The following KIF13B variants were observed in gnomAD, a reference collection of about 807,000 sequenced individuals.
KIF13B encodes kinesin family member 13B, also known as kinesin-like protein KIF13B.
KIF13B carries 127 observed loss-of-function variants against 222.0 expected under a neutral mutation model. The observed-to-expected ratio is 0.57, with a 90% CI of 0.50 to 0.66. The LOEUF is 0.66. Among genes scored for constraint, KIF13B ranks in the 30% least tolerant of loss-of-function variants. The probability of loss-of-function intolerance (pLI) is 0.00; values close to 1 mark genes in which losing one functional copy is unlikely to be tolerated. For missense variants in KIF13B, 2,173 were observed against 2,379.0 expected (o/e 0.91, Z 1.80); for synonymous variants, 976 against 919.0 (o/e 1.06, Z -1.12).
intron 35 of KIF13B, among the ~76,000 whole-genome samples, chr8:29,101,668 C>T (rs758350465): frequency 6.6e-5 from 10 of 152,186 alleles, no homozygotes; most frequent in Non-Finnish European, 1.2e-4. Flanking sequence ...AACAGAGACA[C>T]GGCTCACTCT....
At chr8:29,211,374 T>A (rs1324499379) in intron 2 of KIF13B, among the ~76,000 whole-genome samples, 2 of 152,012 alleles carry the variant, frequency 1.3e-5, no homozygotes, top group East Asian at 3.8e-4. Flanking sequence ...AAAATGAGGA[T>A]CCCTGAGAGG....
At chr8:29,237,530 A>G (rs1815567730) in intron 2 of KIF13B, among the ~76,000 whole-genome samples, 1 of 145,136 alleles carries the variant, frequency 6.9e-6, no homozygotes, top group Non-Finnish European at 1.5e-5. Context: ...GCACAGAGCT[A>G]AAGAAAGACT....
chr8:29,228,472 A>AAAAAAAAAAAAATATATATATAT, intron 2 of KIF13B, among the ~76,000 whole-genome samples: 23 of 117,070 alleles, frequency 2.0e-4, no homozygotes, highest in Non-Finnish European at 2.6e-4. Flanking sequence ...ATCTTAAAAA[A>AAAAAAAAAAAAATATATATATAT]ATATATATAT....
chr8:29,092,714 C>T (rs542165934), intron 37 of KIF13B, 31 bp downstream of exon 37: 15 of 1,588,366 alleles, frequency 9.4e-6, no homozygotes, highest in African/African-American at 4.1e-5. Flanking sequence ...ATTAGAAAAA[C>T]GTTCACAGCT....
Position 29,071,753 on chromosome 8 carries a change from G to C in KIF13B, c.5085C>G (p.Asp1695Glu), listed in dbSNP as rs749780737. The C allele has an allele frequency of 6.5e-7, 1 of 1,549,696 alleles. No homozygotes were observed. Among genetic ancestry groups the C allele is most frequent in the South Asian group, 1.2e-5 (1 of 84,054 alleles). The part of the protein sequence containing the change: ...QALASDSEEA[D>E]EVPEWLREGE... ...CCTCTCGGAGCCACTCCGGGACCTC[G>C]TCAGCTTCCTCGGAATCAGAGGCCA... The change falls in exon 39 of 40, where the codon GAC (aspartate) becomes GAG (glutamate). Residue 1695 changes from aspartate (D) to glutamate (E), a missense_variant. Transcript: ENST00000524189. This position sits in a 1 kb window ranked among gnomAD's most constrained non-coding sequence, Gnocchi z 4.9.
intron 2 of KIF13B, among the ~76,000 whole-genome samples, chr8:29,215,498 G>C (rs936612302): frequency 1.6e-4 from 24 of 152,238 alleles, no homozygotes; most frequent in African/African-American, 5.8e-4. Flanking sequence ...GGACCAGCTT[G>C]AGCAACGTAG....
At chr8:29,190,796 T>C (rs1813144338) in intron 4 of KIF13B, 2 of 594,712 alleles carry the variant, frequency 3.4e-6, no homozygotes, top group Non-Finnish European at 6.2e-6. Flanking sequence ...ACCCAGCCAG[T>C]GTCTGCCGCT....
At chr8:29,177,602 T>A (rs1338126978) in intron 8 of KIF13B, 24 bp from the exon 9 acceptor site, 2 of 1,479,252 alleles carry the variant, frequency 1.4e-6, no homozygotes, top group African/African-American at 1.4e-5. Flanking sequence ...CAATCAATAC[T>A]AATCAACAGG....
chr8:29,090,957 A>C (rs965138487), intron 37 of KIF13B, among the ~76,000 whole-genome samples: 2 of 152,170 alleles, frequency 1.3e-5, no homozygotes, highest in African/African-American at 4.8e-5. Flanking sequence ...ACCTCAGGTG[A>C]GCCACCTGCC....
At chr8:29,138,463 T>C (rs1810662843) in intron 21 of KIF13B, 1 of 152,150 alleles carries the variant, frequency 6.6e-6, no homozygotes, top group Non-Finnish European at 1.5e-5. Flanking sequence ...TGGAGAAAAA[T>C]GAAATGACAA....
intron 24 of KIF13B, 65 bp downstream of exon 24, chr8:29,130,468 A>G: frequency 1.3e-6 from 2 of 1,527,902 alleles, no homozygotes. Context: ...TTTCCACTAA[A>G]AAGAAGCCAA....
intron 2 of KIF13B, among the ~76,000 whole-genome samples, chr8:29,209,126 C>A (rs1032221974): frequency 1.7e-4 from 26 of 152,234 alleles, no homozygotes; most frequent in African/African-American, 6.0e-4. Context: ...CATTAACTTG[C>A]AAGTTTACGT....
rs137921068 is a variant in KIF13B, at chr8:29,145,098, C to T, written c.2187+1280G>A. ...CCCTGAACCTTCTCCTTGTGACTGG[C>T]CTTCCTCTTCGGTTTTTGGTGAGTC... is the stretch of plus-strand genomic sequence containing the variant. On this transcript the variant is annotated intron_variant, in intron 18 of 39. Coordinates refer to ENST00000524189, the MANE Select transcript of KIF13B (RefSeq NM_015254.4). Among the ~76,000 whole-genome samples the T allele has an allele frequency of 8.4e-3, 1,273 of 152,292 alleles. 22 individuals are homozygous for T. Among genetic ancestry groups the T allele is most frequent in the African/African-American group, 0.028 (1,179 of 41,558 alleles).
At chr8:29,080,121 C>T (rs548107276) in intron 37 of KIF13B, among the ~76,000 whole-genome samples, 1 of 152,182 alleles carries the variant, frequency 6.6e-6, no homozygotes, top group Non-Finnish European at 1.5e-5. Context: ...GCAGGAAGAT[C>T]ACTTGAGCCT....
chr8:29,082,489 T>G (rs1563685298), intron 37 of KIF13B, among the ~76,000 whole-genome samples: 1 of 151,966 alleles, frequency 6.6e-6, no homozygotes, highest in East Asian at 1.9e-4. Flanking sequence ...AAAAAAGTTT[T>G]TAATTAGCCA....
At chr8:29,130,812 A>G in intron 23 of KIF13B, 147 bp from the exon 24 acceptor site, 1 of 663,074 alleles carries the variant, frequency 1.5e-6, no homozygotes, top group Non-Finnish European at 2.6e-6. Context: ...AATACCATGC[A>G]TGTACATACT....
rs1586889712 is a variant in KIF13B, at chr8:29,180,374, G to A, written c.586-136C>T. On this transcript the variant is annotated intron_variant, in intron 7 of 39. Coordinates refer to ENST00000524189, the MANE Select transcript of KIF13B (RefSeq NM_015254.4). ...TGGAGTTAACATTTTGTTTCTCAAT[G>A]AATATTGAGCCCCATGGAGTACAAT... The A allele has an allele frequency of 1.4e-5, 12 of 884,030 alleles. No individual in the cohort carries two copies. In the South Asian group the frequency reaches 1.4e-4, roughly 10 times the overall value. The allele number at this position is 884,030 out of a possible 1,614,324, so 54.8% of individuals were successfully genotyped here.
In KIF13B at chr8:29,190,986, G is replaced by A; in HGVS notation, c.223+11C>T. 6.2e-7 allele frequency: 1 copy of A among 1,607,572 alleles called. No homozygotes were observed. The highest frequency in any genetic ancestry group is 2.2e-5 in the East Asian group (1 of 44,850). On this transcript the variant is annotated intron_variant, in intron 4 of 39. Transcript: ENST00000524189. The stretch of plus-strand genomic sequence containing the variant: ...ACCATCAGTAGTTGACAGGATGCTG[G>A]ATTCTATTACCTGCATACTTTTCTT...
At chr8:29,162,842 C>A (rs1175082281) in intron 12 of KIF13B, among the ~76,000 whole-genome samples, 1 of 152,196 alleles carries the variant, frequency 6.6e-6, no homozygotes, top group Admixed American at 6.5e-5. Context: ...AATATTGCTT[C>A]TGATATCAGG....
Sources: allele counts gnomAD v4.1 joint callset (sites outside exome capture counted in the v4.1 genomes callset), GRCh38; gene constraint gnomAD v4.1.1; non-coding constraint Gnocchi (gnomAD v3.1); transcripts MANE v1.5; gene names NCBI Gene and HGNC (gene_info 2026-07-23, HGNC 2026-07-21).